Variants in RUSC2 observed in about 807,000 individuals in gnomAD.
RUSC2 encodes the protein AP-4 complex accessory subunit RUSC2.
A neutral mutation model predicts 122.2 loss-of-function variants in RUSC2; 34 were observed. The observed-to-expected ratio is 0.28, with a 90% CI of 0.21 to 0.37. The LOEUF (loss-of-function observed/expected upper bound fraction) is 0.37, where lower values mean the gene tolerates loss of function less well. RUSC2 is among the 10% of genes least tolerant of loss of function. The pLI, the probability that RUSC2 is intolerant of heterozygous loss-of-function variation, is 1.00. For synonymous variants in RUSC2, 784 were observed against 790.0 expected (o/e 0.99, Z 0.13); for missense variants, 1,747 against 1,952.4 (o/e 0.89, Z 1.98).
chr9:35,491,686 C>T (rs1377156050), intron 1 of RUSC2, among the ~76,000 whole-genome samples: 2 of 152,200 alleles, frequency 1.3e-5, no homozygotes, highest in Non-Finnish European at 2.9e-5. Flanking sequence ...CACAGTGGCT[C>T]AGCCTGTAAT....
At chr9:35,490,412 G>C (rs1056943903) in intron 1 of RUSC2, among the ~76,000 whole-genome samples, 4 of 151,516 alleles carry the variant, frequency 2.6e-5, no homozygotes, top group Non-Finnish European at 5.9e-5. Flanking sequence ...TGCGTCCACC[G>C]GACCTTCAAA....
At chr9:35,531,857 C>T (rs571140745) in intron 1 of RUSC2, among the ~76,000 whole-genome samples, 117 of 152,246 alleles carry the variant, frequency 7.7e-4, no homozygotes, top group African/African-American at 2.7e-3. Flanking sequence ...AACCCCTCCT[C>T]TACTAAAAAT....
chr9:35,494,490 C>G lies in RUSC2; in HGVS notation c.-93+4318C>G, dbSNP rs1037919469. On this transcript the variant is annotated intron_variant, in intron 1 of 11. Coordinates refer to ENST00000361226, the MANE Select transcript of RUSC2 (RefSeq NM_014806.5). ...AAATAATAATAGTAATATAACCATC[C>G]TAAGCAGTGTGAAGTGATATCTCAT... Among the ~76,000 whole-genome samples, 3 of 152,036 alleles carry G rather than the reference C, an allele frequency of 2.0e-5. No individual in the cohort carries two copies. In the South Asian group the frequency reaches 6.2e-4, roughly 32 times the overall value.
chr9:35,503,578 T>C (rs1194835505), intron 1 of RUSC2, among the ~76,000 whole-genome samples: 1 of 152,192 alleles, frequency 6.6e-6, no homozygotes, highest in Admixed American at 6.5e-5. Context: ...TGTACATGTG[T>C]CTTTTTCATA....
At chr9:35,491,495 G>A (rs1335152932) in intron 1 of RUSC2, among the ~76,000 whole-genome samples, 1 of 152,178 alleles carries the variant, frequency 6.6e-6, no homozygotes, top group Non-Finnish European at 1.5e-5. Flanking sequence ...TCTGTTTTGA[G>A]CCAGGTTAGG....
At chr9:35,495,257 A>G (rs1442719858) in intron 1 of RUSC2, among the ~76,000 whole-genome samples, 4 of 108,926 alleles carry the variant, frequency 3.7e-5, no homozygotes, top group Admixed American at 1.3e-4. Context: ...ATAATATATA[A>G]AATATATTTT....
chr9:35,558,995 T>C lies in RUSC2; in HGVS notation c.3342-231T>C, dbSNP rs1027366690. 3.9e-5 allele frequency among the ~76,000 whole-genome samples: 6 copies of C among 152,224 alleles called. No individual in the cohort carries two copies. Among genetic ancestry groups the C allele is most frequent in the Admixed American group, 3.9e-4 (6 of 15,288 alleles). ...TACTTTCACACAGTAGCTGCCTTGA[T>C]TTCTTAGGTCTACTGCAGGCTGACT... On this transcript the variant is annotated intron_variant, in intron 8 of 11. Coordinates refer to ENST00000361226, the MANE Select transcript of RUSC2 (RefSeq NM_014806.5). The surrounding 1 kb of genome is among the most constrained non-coding windows in gnomAD (Gnocchi z 4.3).
rs1564263022 is a variant in RUSC2 at position 35,546,868 on chromosome 9, A to T, written c.347A>T (p.Asp116Val). ...QEGVGEPGLG[D>V]LYDDSIGDSA... ...GGTGTGGGTGAGCCAGGACTTGGTG[A>T]CCTGTATGATGACAGCATTGGTGAC... Residue 116 changes from aspartate (D) to valine (V), a missense_variant, in exon 2 of 12, where the codon GAC (aspartate) becomes GTC (valine). Asp to Val is a radical substitution (Grantham distance 152, BLOSUM62 -3). Coordinates refer to ENST00000361226, the MANE Select transcript of RUSC2 (RefSeq NM_014806.5). The surrounding 1 kb of genome is among the most constrained non-coding windows in gnomAD (Gnocchi z 4.3). 11 of 1,603,934 alleles carry T rather than the reference A, an allele frequency of 6.9e-6. No individual in the cohort carries two copies. The highest frequency in any genetic ancestry group is 9.4e-6 in the Non-Finnish European group (11 of 1,175,300).
At chr9:35,525,760 C>T (rs1398273894) in intron 1 of RUSC2, among the ~76,000 whole-genome samples, 1 of 152,148 alleles carries the variant, frequency 6.6e-6, no homozygotes, top group African/African-American at 2.4e-5. Flanking sequence ...GATCGCACCA[C>T]TGCACTCCAG....
chr9:35,490,387 C>A (rs1820541664), intron 1 of RUSC2, among the ~76,000 whole-genome samples: 1 of 152,084 alleles, frequency 6.6e-6, no homozygotes, highest in African/African-American at 2.4e-5. Context: ...TGGCCTTCTC[C>A]TGACCCTTCA....
chr9:35,552,895 T>C (rs1821929126), intron 2 of RUSC2, among the ~76,000 whole-genome samples: 1 of 152,216 alleles, frequency 6.6e-6, no homozygotes, highest in South Asian at 2.1e-4. Flanking sequence ...CCTGATCTTA[T>C]TCCTCTGCCT....
intron 1 of RUSC2, among the ~76,000 whole-genome samples, chr9:35,539,513 G>A (rs1409487105): frequency 2.0e-5 from 3 of 152,000 alleles, no homozygotes; most frequent in Non-Finnish European, 1.5e-5. Context: ...AAGGATCCTC[G>A]CAGCTTTCAA....
intron 1 of RUSC2, among the ~76,000 whole-genome samples, chr9:35,533,680 T>A: frequency 6.6e-6 from 1 of 152,228 alleles, no homozygotes. Context: ...TCTCTATAGA[T>A]TTGCCTTGTC....
intron 1 of RUSC2, among the ~76,000 whole-genome samples, chr9:35,542,784 C>G (rs1821667268): frequency 6.6e-6 from 1 of 152,212 alleles, no homozygotes; most frequent in Admixed American, 6.5e-5. Context: ...TCCGTCATCT[C>G]CCACGCTCAT....
intron 1 of RUSC2, among the ~76,000 whole-genome samples, chr9:35,498,048 C>T (rs1286290238): frequency 6.6e-6 from 1 of 152,010 alleles, no homozygotes; most frequent in African/African-American, 2.4e-5. Context: ...CTAAAAAATG[C>T]TTAGGGTATT....
chr9:35,550,416 G>A (rs558314218), intron 2 of RUSC2, among the ~76,000 whole-genome samples: 5 of 149,300 alleles, frequency 3.3e-5, no homozygotes, highest in African/African-American at 1.2e-4. Context: ...ACCTGAGTTC[G>A]GGAGTTCAAG....
At chr9:35,556,285 A>G (rs781183208) in intron 4 of RUSC2, 23 bp from the exon 5 acceptor site, 1 of 1,613,014 alleles carries the variant, frequency 6.2e-7, no homozygotes, top group Non-Finnish European at 8.5e-7. Flanking sequence ...GTTGCTCAGG[A>G]TTGATTTTTC....
In RUSC2 at chr9:35,547,212, C is replaced by G; in HGVS notation, c.691C>G (p.Leu231Val). Residue 231 changes from leucine to valine, a missense_variant, in exon 2 of 12, where the codon CTC becomes GTC. Transcript: ENST00000361226. This position sits in a 1 kb window ranked among gnomAD's most constrained non-coding sequence, Gnocchi z 4.6. ...SGFSFDQEWK[L>V]SSDESPRNPG... ...CTTTTCCTTTGACCAGGAATGGAAGCTCAGTTCAGATGAATCCCCAAGGAA... is the reference window on the plus strand; with the variant it reads ...CTTTTCCTTTGACCAGGAATGGAAGGTCAGTTCAGATGAATCCCCAAGGAA... 1 of 1,614,146 alleles carries G rather than the reference C, an allele frequency of 6.2e-7. No homozygotes were observed. Among genetic ancestry groups the G allele is most frequent in the East Asian group, 2.2e-5 (1 of 44,878 alleles).
chr9:35,559,668 G>A (rs1302964716), intron 9 of RUSC2, among the ~76,000 whole-genome samples: 1 of 152,218 alleles, frequency 6.6e-6, no homozygotes, highest in Non-Finnish European at 1.5e-5. Context: ...CTGAGAGGCA[G>A]AGGTTGCAGT....
Sources: gnomAD v4.1 joint callset for allele counts (sites outside exome capture counted in the v4.1 genomes callset) on GRCh38, gnomAD v4.1.1 for gene constraint, Gnocchi (gnomAD v3.1) non-coding constraint, MANE v1.5 for transcripts, NCBI Gene and HGNC (gene_info 2026-07-23, HGNC 2026-07-21) for gene names.